The following CADPS variants were observed in gnomAD, a reference collection of about 807,000 sequenced individuals.
CADPS encodes calcium-dependent secretion activator 1.
In CADPS, 57 loss-of-function variants were observed where a neutral mutation model predicts 167.3. The observed-to-expected ratio is 0.34, with a 90% CI of 0.28 to 0.42. CADPS has a LOEUF of 0.42. Ranked by LOEUF, CADPS falls within the 20% of genes least tolerant of loss-of-function variation. The pLI, the probability that CADPS is intolerant of heterozygous loss-of-function variation, is 1.00. For synonymous variants in CADPS, 676 were observed against 635.3 expected, an observed-to-expected ratio of 1.06 and a Z score of -0.96; for missense variants, 1,414 against 1,738.1, an observed-to-expected ratio of 0.81 and a Z score of 3.32.
chr3:62,642,038 T>C (rs1200485687), intron 6 of CADPS, among the ~76,000 whole-genome samples: 1 of 151,666 alleles, frequency 6.6e-6, no homozygotes, highest in Non-Finnish European at 1.5e-5. Flanking sequence ...ATTCAATACA[T>C]GAGGATTCCA....
intron 8 of CADPS, among the ~76,000 whole-genome samples, chr3:62,583,536 G>A (rs1438204791): frequency 6.6e-6 from 1 of 152,106 alleles, no homozygotes; most frequent in Non-Finnish European, 1.5e-5. Context: ...TTAGGGCCCT[G>A]CACATGCTCC....
intron 6 of CADPS, among the ~76,000 whole-genome samples, chr3:62,640,829 C>T (rs7356106): frequency 6.6e-6 from 1 of 152,174 alleles, no homozygotes; most frequent in African/African-American, 2.4e-5. Flanking sequence ...AGTATTTAAT[C>T]CTTGGGGCAT....
chr3:62,869,719 A>G (rs1470533388), intron 1 of CADPS, among the ~76,000 whole-genome samples: 1 of 152,148 alleles, frequency 6.6e-6, no homozygotes, highest in Non-Finnish European at 1.5e-5. Context: ...CACATCTCAC[A>G]AGTACCAATT....
In CADPS at chr3:62,481,878, G is replaced by A; in HGVS notation, c.3027-9C>T. ...GGTTACTGGTTAAACTCCTGTGGAA[G>A]AAACAGACAGAAAGAAAAAATACCA... On this transcript the variant is annotated splice_polypyrimidine_tract_variant and intron_variant, in intron 21 of 29. Transcript: ENST00000383710. 1.2e-6 allele frequency: 2 copies of A among 1,601,974 alleles called. No individual in the cohort carries two copies. The highest frequency in any genetic ancestry group is 1.7e-6 in the Non-Finnish European group (2 of 1,175,594).
rs147178610 is a variant in CADPS, at chr3:62,488,145, G to C, written c.3026+3194C>G. Among the ~76,000 whole-genome samples, 520 of 152,316 alleles carry C rather than the reference G, an allele frequency of 3.4e-3. 8 individuals are homozygous for C. Among genetic ancestry groups the C allele is most frequent in the African/African-American group, 0.012 (488 of 41,566 alleles). ...AAACTAAATCTATTTACCTAAGTTA[G>C]TTTCTTGTTTTGGGGTGAGCTTGAT... On this transcript the variant is annotated intron_variant, in intron 21 of 29. Coordinates refer to ENST00000383710, the MANE Select transcript of CADPS (RefSeq NM_003716.4).
chr3:62,733,335 G>A (rs1032002060), intron 3 of CADPS, among the ~76,000 whole-genome samples: 4 of 152,206 alleles, frequency 2.6e-5, no homozygotes, highest in African/African-American at 9.6e-5. Flanking sequence ...GTCTATGGAT[G>A]CTTCAGAATT....
At chr3:62,754,677 A>G (rs1352832359) in intron 2 of CADPS, among the ~76,000 whole-genome samples, 1 of 152,122 alleles carries the variant, frequency 6.6e-6, no homozygotes, top group Non-Finnish European at 1.5e-5. Context: ...TTTTGTAGAG[A>G]CAGGGTCTTG....
At chr3:62,594,308 C>T (rs2086792284) in intron 6 of CADPS, among the ~76,000 whole-genome samples, 2 of 150,956 alleles carry the variant, frequency 1.3e-5, no homozygotes, top group South Asian at 4.2e-4. Flanking sequence ...ACTACAGGCG[C>T]CCGCCACTAT....
intron 8 of CADPS, among the ~76,000 whole-genome samples, chr3:62,573,919 C>T (rs1331745486): frequency 6.6e-6 from 1 of 152,208 alleles, no homozygotes; most frequent in East Asian, 1.9e-4. Context: ...TAGATGGTAA[C>T]TGGTCAATAG....
rs900326816 is a variant in CADPS, at chr3:62,603,834, G to GT, written c.1326-11087dup. Among the ~76,000 whole-genome samples, 149 of 147,660 alleles carry GT rather than the reference G, an allele frequency of 1.0e-3. No homozygotes were observed. In the East Asian group the frequency reaches 0.011, roughly 11 times the overall value. On this transcript the variant is annotated intron_variant, in intron 6 of 29. Transcript: ENST00000383710. ...CTGATGCTTGCTATCTGTATGCTGT[G>GT]TTTTTTTTTTGAGACAGAGTCTCGC...
intron 22 of CADPS, among the ~76,000 whole-genome samples, chr3:62,480,166 T>C (rs2061815432): frequency 6.6e-6 from 1 of 152,188 alleles, no homozygotes; most frequent in African/African-American, 2.4e-5. Flanking sequence ...AGCACCAAGA[T>C]TATTTTGATT....
intron 1 of CADPS, among the ~76,000 whole-genome samples, chr3:62,852,561 A>T (rs567679583): frequency 6.6e-6 from 1 of 151,972 alleles, no homozygotes; most frequent in South Asian, 2.1e-4. Context: ...CCCCTTTTAA[A>T]ATCTTTTCTC....
intron 23 of CADPS, among the ~76,000 whole-genome samples, chr3:62,475,948 T>G (rs1244881034): frequency 6.6e-6 from 1 of 152,128 alleles, no homozygotes; most frequent in African/African-American, 2.4e-5. Context: ...AGTGCAGGGC[T>G]GTGAAAAGAG....
chr3:62,533,907 C>A (rs1161705540), intron 12 of CADPS, among the ~76,000 whole-genome samples: 6 of 152,058 alleles, frequency 3.9e-5, no homozygotes, highest in African/African-American at 1.4e-4. Context: ...TGTTTGTATT[C>A]TTATTATTTA....
chr3:62,769,772 C>T (rs890856432), intron 1 of CADPS, among the ~76,000 whole-genome samples: 16 of 152,184 alleles, frequency 1.1e-4, no homozygotes, highest in African/African-American at 3.9e-4. Context: ...AGGAGTTGAG[C>T]GCACAGGCTT....
At chr3:62,761,211 T>C (rs1341617385) in intron 2 of CADPS, among the ~76,000 whole-genome samples, 1 of 151,728 alleles carries the variant, frequency 6.6e-6, no homozygotes, top group Non-Finnish European at 1.5e-5. Context: ...AAACTATTGT[T>C]GTTGTTGTTG....
chr3:62,402,355 G>C (rs1706668341), intron 29 of CADPS, among the ~76,000 whole-genome samples: 1 of 151,916 alleles, frequency 6.6e-6, no homozygotes, highest in South Asian at 2.1e-4. Flanking sequence ...TGCTTTGAAT[G>C]AGATTTTTGC....
At chr3:62,770,380 G>GA (rs2088291825) in intron 1 of CADPS, among the ~76,000 whole-genome samples, 1 of 152,122 alleles carries the variant, frequency 6.6e-6, no homozygotes, top group Admixed American at 6.6e-5. Flanking sequence ...CATGTACCCA[G>GA]AAAAATATAC....
At chr3:62,729,220 A>T (rs2028215) in intron 3 of CADPS, among the ~76,000 whole-genome samples, 11,769 of 151,740 alleles carry the variant, frequency 0.078, 617 homozygotes, top group Non-Finnish European at 0.11. Flanking sequence ...GCTCTCTCTC[A>T]ATGTTTGCAG....
Sources: gnomAD v4.1 joint callset for allele counts (sites outside exome capture counted in the v4.1 genomes callset) on GRCh38, gnomAD v4.1.1 for gene constraint, MANE v1.5 for transcripts, NCBI Gene and HGNC (gene_info 2026-07-23, HGNC 2026-07-21) for gene names.